Variants in NCKAP5 observed in about 807,000 individuals in gnomAD.
The protein encoded by NCKAP5 is NCK associated protein 5.
NCKAP5 carries 92 observed loss-of-function variants against 167.0 expected under a neutral mutation model. That is an observed-to-expected ratio of 0.55 (90% confidence interval 0.47 to 0.66). The LOEUF (loss-of-function observed/expected upper bound fraction) is 0.66, where lower values mean the gene tolerates loss of function less well. Among genes scored for constraint, NCKAP5 ranks in the 30% least tolerant of loss-of-function variants. The pLI, the probability that NCKAP5 is intolerant of heterozygous loss-of-function variation, is 0.00. For synonymous variants in NCKAP5, 891 were observed against 877.4 expected, an observed-to-expected ratio of 1.02 and a Z score of -0.27; for missense variants, 2,378 against 2,315.0, an observed-to-expected ratio of 1.03 and a Z score of -0.56.
the NCKAP5 span, among the ~76,000 whole-genome samples, chr2:133,617,345 A>T: frequency 6.6e-6 from 1 of 151,888 alleles, no homozygotes; most frequent in Non-Finnish European, 1.5e-5. Flanking sequence ...TTCAATTAGG[A>T]AAAGAGGAAG....
intron 2 of NCKAP5, among the ~76,000 whole-genome samples, chr2:133,552,848 C>T (rs1479790309): frequency 6.6e-6 from 1 of 152,022 alleles, no homozygotes; most frequent in African/African-American, 2.4e-5. Context: ...CAGAACAAAT[C>T]CCTTTCTTAT....
chr2:133,178,846 A>C (rs895310269), intron 5 of NCKAP5, among the ~76,000 whole-genome samples: 1 of 150,980 alleles, frequency 6.6e-6, no homozygotes, highest in South Asian at 2.1e-4. Flanking sequence ...AAAAAAAAAA[A>C]AAAAAAACCC....
intron 6 of NCKAP5, among the ~76,000 whole-genome samples, chr2:133,071,097 G>A (rs1473949498): frequency 6.6e-6 from 1 of 152,052 alleles, no homozygotes; most frequent in African/African-American, 2.4e-5. Context: ...CACTAAAGAA[G>A]CAAAAATAAG....
At chr2:133,111,558 T>C (rs1285562394) in intron 6 of NCKAP5, among the ~76,000 whole-genome samples, 2 of 152,296 alleles carry the variant, frequency 1.3e-5, no homozygotes, top group African/African-American at 4.8e-5. Flanking sequence ...TCATGTAGAA[T>C]GTGCACAGGT....
At chr2:133,315,753 C>A (rs1681561562) in intron 3 of NCKAP5, among the ~76,000 whole-genome samples, 1 of 152,038 alleles carries the variant, frequency 6.6e-6, no homozygotes. Flanking sequence ...AAATTGGCCA[C>A]CAAATTGGCC....
At chr2:133,210,402 A>C (rs1029198642) in intron 5 of NCKAP5, among the ~76,000 whole-genome samples, 1 of 152,040 alleles carries the variant, frequency 6.6e-6, no homozygotes, top group Non-Finnish European at 1.5e-5. Context: ...CTTTTCTGTA[A>C]AGACTGCTTA....
intron 6 of NCKAP5, chr2:133,117,461 T>C (rs992190261): frequency 2.6e-5 from 4 of 152,188 alleles, no homozygotes; most frequent in African/African-American, 9.7e-5. Context: ...GGGGTTTGGG[T>C]GCACTGAGAC....
At chr2:132,845,775 C>T (rs569469642) in intron 11 of NCKAP5, among the ~76,000 whole-genome samples, 7 of 152,270 alleles carry the variant, frequency 4.6e-5, no homozygotes, top group African/African-American at 1.7e-4. Context: ...ACATTTCTAA[C>T]TTCCCAGGTG....
At chr2:133,041,878 G>A (rs971072117) in intron 6 of NCKAP5, among the ~76,000 whole-genome samples, 5 of 152,168 alleles carry the variant, frequency 3.3e-5, no homozygotes, top group Admixed American at 3.3e-4. Flanking sequence ...AAAGGAGGAT[G>A]CTTAAATTTT....
the NCKAP5 span, among the ~76,000 whole-genome samples, chr2:133,652,331 G>C: frequency 6.6e-6 from 1 of 152,208 alleles, no homozygotes; most frequent in Non-Finnish European, 1.5e-5. Context: ...TGTTGAGTTA[G>C]ATAGTTATTA....
chr2:133,003,697 T>C (rs2077863869), intron 6 of NCKAP5, among the ~76,000 whole-genome samples: 1 of 152,226 alleles, frequency 6.6e-6, no homozygotes. Flanking sequence ...CTAGATGATA[T>C]ATATTTTTAA....
At chr2:132,881,737 T>A (rs557178998) in intron 8 of NCKAP5, among the ~76,000 whole-genome samples, 71 of 152,198 alleles carry the variant, frequency 4.7e-4, no homozygotes, top group South Asian at 1.7e-3. Context: ...CTGGACATGT[T>A]AACTTTCATC....
chr2:132,729,054 T>C, intron 17 of NCKAP5, 102 bp from the exon 18 acceptor site: 2 of 1,483,194 alleles, frequency 1.3e-6, no homozygotes, highest in Non-Finnish European at 1.8e-6. Context: ...ATAAAAAAGG[T>C]CCAAATACAG....
Position 132,731,979 on chromosome 2 carries a change from G to T in NCKAP5, c.5201C>A (p.Ser1734Ter). The T allele has an allele frequency of 2.5e-6, 4 of 1,613,796 alleles. No individual in the cohort carries two copies. The highest frequency in any genetic ancestry group is 3.4e-6 in the Non-Finnish European group (4 of 1,179,846). ...TGGCTGGCATAGGTAGCGTCCTGTC[G>T]AGCGATTTCCCGAGTCTGGGAGTGG... Reference protein sequence around the residue: ...TFPLPDSGNRSTGRYLCQPDS... With the variant: ...TFPLPDSGNR The change falls in exon 17 of 20, where the codon TCG becomes TAG. Residue 1734 changes from serine (S) to a stop codon, truncating the protein, a stop_gained. Transcript: ENST00000409261. LOFTEE classifies it high-confidence loss of function.
chr2:132,775,405 G>A (rs1047038765), intron 15 of NCKAP5, among the ~76,000 whole-genome samples: 1 of 152,186 alleles, frequency 6.6e-6, no homozygotes, highest in African/African-American at 2.4e-5. Context: ...GTATGTAAAT[G>A]GCTAACTCAA....
intron 3 of NCKAP5, among the ~76,000 whole-genome samples, chr2:133,418,275 G>A (rs1689248736): frequency 6.6e-6 from 1 of 152,184 alleles, no homozygotes; most frequent in Admixed American, 6.5e-5. Context: ...TCTGATTCCA[G>A]TTCTGCAGCT....
At chr2:132,851,947 C>T (rs1032771950) in intron 11 of NCKAP5, among the ~76,000 whole-genome samples, 3 of 152,066 alleles carry the variant, frequency 2.0e-5, no homozygotes, top group East Asian at 1.9e-4. Context: ...CTTTTCGTGC[C>T]GGGAATAAGA....
chr2:132,868,998 G>T, intron 9 of NCKAP5, 24 bp from the exon 10 acceptor site: 1 of 1,509,178 alleles, frequency 6.6e-7, no homozygotes, highest in Non-Finnish European at 8.9e-7. Context: ...AGAAAAAGTT[G>T]TCATTTATAA....
the NCKAP5 span, among the ~76,000 whole-genome samples, chr2:133,642,407 A>G: frequency 6.6e-6 from 1 of 152,148 alleles, no homozygotes; most frequent in East Asian, 1.9e-4. Context: ...TATTTTTACC[A>G]TTTTAGCCAG....
Sources: gnomAD v4.1 joint callset for allele counts (sites outside exome capture counted in the v4.1 genomes callset) on GRCh38, gnomAD v4.1.1 for gene constraint, MANE v1.5 for transcripts, NCBI Gene and HGNC (gene_info 2026-07-23, HGNC 2026-07-21) for gene names.